TECPR2: variants seen among roughly 807,000 people sequenced by gnomAD.
TECPR2 encodes tectonin beta-propeller repeat containing 2.
TECPR2 carries 65 observed loss-of-function variants against 138.1 expected under a neutral mutation model. The ratio of observed to expected loss-of-function variants is 0.47; its 90% CI spans 0.39 to 0.58. The LOEUF is 0.58. TECPR2 is among the 20% of genes least tolerant of loss of function. The pLI is 0.00. For synonymous variants in TECPR2, 746 were observed against 749.8 expected (o/e 0.99, Z 0.08); for missense variants, 1,553 against 1,824.5 (o/e 0.85, Z 2.71).
chr14:102,385,949 A>T (rs891291114), intron 2 of TECPR2, among the ~76,000 whole-genome samples: 1 of 151,776 alleles, frequency 6.6e-6, no homozygotes, highest in Admixed American at 6.6e-5. Context: ...AAAAAAAAAA[A>T]TTTAGCTAGT....
intron 1 of TECPR2, among the ~76,000 whole-genome samples, chr14:102,363,672 C>T (rs1887258867): frequency 6.6e-6 from 1 of 152,198 alleles, no homozygotes; most frequent in African/African-American, 2.4e-5. Context: ...ATGGGGTGTC[C>T]TGGAGTCAGA....
intron 17 of TECPR2, among the ~76,000 whole-genome samples, chr14:102,478,759 T>G (rs528300296): frequency 2.6e-5 from 4 of 152,030 alleles, no homozygotes; most frequent in Non-Finnish European, 5.9e-5. Flanking sequence ...CTCACACCTG[T>G]AATCCCAGCA....
intron 2 of TECPR2, among the ~76,000 whole-genome samples, chr14:102,382,913 C>T (rs1189347604): frequency 3.3e-5 from 5 of 151,994 alleles, no homozygotes; most frequent in African/African-American, 4.8e-5. Flanking sequence ...CCTGCCACCA[C>T]GCCCAGCTAA....
intron 5 of TECPR2, among the ~76,000 whole-genome samples, chr14:102,421,692 T>A (rs1327955904): frequency 2.0e-5 from 3 of 152,214 alleles, no homozygotes; most frequent in Non-Finnish European, 4.4e-5. Flanking sequence ...TGAGCACTTA[T>A]GGGGACTTAG....
At chr14:102,405,608 A>G (rs1888637815) in intron 2 of TECPR2, among the ~76,000 whole-genome samples, 1 of 152,216 alleles carries the variant, frequency 6.6e-6, no homozygotes, top group Non-Finnish European at 1.5e-5. Flanking sequence ...AGAAAACAGT[A>G]TGGTGGTTGC....
intron 2 of TECPR2, among the ~76,000 whole-genome samples, chr14:102,383,822 A>G (rs936760066): frequency 6.6e-6 from 1 of 152,186 alleles, no homozygotes; most frequent in Admixed American, 6.5e-5. Context: ...TACAAATTAC[A>G]TCTGATGGCC....
chr14:102,482,521 G>C (rs76244984), intron 17 of TECPR2, among the ~76,000 whole-genome samples: 4,348 of 152,216 alleles, frequency 0.029, 82 homozygotes, highest in Middle Eastern at 0.092. Flanking sequence ...CTCTACCCGG[G>C]ACCCAGCTGT....
At chr14:102,421,442 T>C (rs1889178780) in intron 5 of TECPR2, among the ~76,000 whole-genome samples, 1 of 152,218 alleles carries the variant, frequency 6.6e-6, no homozygotes, top group African/African-American at 2.4e-5. Flanking sequence ...TCCAAAGGGA[T>C]TTAGTTACTG....
At chr14:102,366,090 C>G (rs1887339787) in intron 1 of TECPR2, among the ~76,000 whole-genome samples, 1 of 152,116 alleles carries the variant, frequency 6.6e-6, no homozygotes, top group African/African-American at 2.4e-5. Context: ...ACTCTGATAA[C>G]ATGGTTATTG....
intron 12 of TECPR2, among the ~76,000 whole-genome samples, chr14:102,444,145 A>G (rs79416987): frequency 4.6e-5 from 7 of 151,434 alleles, no homozygotes; most frequent in Non-Finnish European, 7.4e-5. Flanking sequence ...CTTAGGTCCA[A>G]ATATTTTTCT....
At chr14:102,426,453 A>T (rs1889324148) in intron 6 of TECPR2, among the ~76,000 whole-genome samples, 4 of 151,882 alleles carry the variant, frequency 2.6e-5, no homozygotes, top group Admixed American at 2.6e-4. Context: ...TCACCCCCAG[A>T]CTCTAGACCA....
chr14:102,477,414 T>G (rs1482303813), intron 17 of TECPR2, among the ~76,000 whole-genome samples: 1 of 151,966 alleles, frequency 6.6e-6, no homozygotes, highest in Non-Finnish European at 1.5e-5. Flanking sequence ...GATCAGTGCT[T>G]ACTCAAGGCC....
intron 17 of TECPR2, among the ~76,000 whole-genome samples, chr14:102,495,847 A>T (rs1430121476): frequency 6.6e-6 from 1 of 152,192 alleles, no homozygotes; most frequent in African/African-American, 2.4e-5. Flanking sequence ...TGCCCAGAGC[A>T]GCCGGCGGGT....
In TECPR2 at chr14:102,384,405, A is replaced by G. The variant is rs527602864; in HGVS notation, c.219+7465A>G. Among the ~76,000 whole-genome samples the G allele has an allele frequency of 2.0e-5, 3 of 149,120 alleles. No individual in the cohort carries two copies. The South Asian group carries it at 6.9e-4, about 34-fold the overall frequency. On this transcript the variant is annotated intron_variant, in intron 2 of 19. Transcript: ENST00000359520. The stretch of plus-strand genomic sequence containing the variant: ...CAAGAGATCACATGGTAGGCCGGGC[A>G]TGGTGGCTCAGGCCTGTAATCCCAG...
intron 17 of TECPR2, among the ~76,000 whole-genome samples, chr14:102,469,509 G>C (rs1890616489): frequency 6.6e-6 from 1 of 152,120 alleles, no homozygotes; most frequent in Non-Finnish European, 1.5e-5. Flanking sequence ...GACATGGTCT[G>C]CCAATAGAGA....
At chr14:102,426,806 C>T (rs1266877938) in intron 6 of TECPR2, among the ~76,000 whole-genome samples, 1 of 152,084 alleles carries the variant, frequency 6.6e-6, no homozygotes, top group Middle Eastern at 3.2e-3. Flanking sequence ...TTGCAATGAG[C>T]CAAGATCACA....
intron 17 of TECPR2, among the ~76,000 whole-genome samples, chr14:102,490,105 A>G (rs967742485): frequency 1.3e-5 from 2 of 152,182 alleles, no homozygotes; most frequent in African/African-American, 4.8e-5. Context: ...CTGTGATGAA[A>G]GCCGCACAGC....
chr14:102,445,302 G>A (rs570377359), intron 12 of TECPR2, among the ~76,000 whole-genome samples: 35 of 152,210 alleles, frequency 2.3e-4, no homozygotes, highest in Non-Finnish European at 4.6e-4. Context: ...CTGGCACATC[G>A]GGGGAGTTTA....
intron 17 of TECPR2, among the ~76,000 whole-genome samples, chr14:102,489,018 G>C (rs1057487861): frequency 6.6e-6 from 1 of 151,842 alleles, no homozygotes; most frequent in Non-Finnish European, 1.5e-5. Flanking sequence ...GAGACACTAG[G>C]ACTACAGGCA....
Sources: gnomAD v4.1 joint callset for allele counts (sites outside exome capture counted in the v4.1 genomes callset) on GRCh38, gnomAD v4.1.1 for gene constraint, MANE v1.5 for transcripts, NCBI Gene and HGNC (gene_info 2026-07-23, HGNC 2026-07-21) for gene names.